DZANK1: variants seen among roughly 807,000 people sequenced by gnomAD.
The protein encoded by DZANK1 is double zinc ribbon and ankyrin repeat-containing protein 1.
DZANK1 carries 91 observed loss-of-function variants against 94.5 expected under a neutral mutation model. That is an observed-to-expected ratio of 0.96 (90% CI 0.81 to 1.15). The LOEUF (loss-of-function observed/expected upper bound fraction) is 1.15. DZANK1 is among the 50% of genes most tolerant of loss of function. The probability of loss-of-function intolerance (pLI) is 0.00; values close to 1 mark genes in which losing one functional copy is unlikely to be tolerated. For missense variants in DZANK1, 903 were observed against 916.4 expected (o/e 0.99, Z 0.19); for synonymous variants, 312 against 325.3 (o/e 0.96, Z 0.44).
chr20:18,448,589 C>A (rs1202334708), intron 7 of DZANK1, among the ~76,000 whole-genome samples: 1 of 151,972 alleles, frequency 6.6e-6, no homozygotes, highest in Non-Finnish European at 1.5e-5. Context: ...AAAGTTGGGG[C>A]CGGGTGTGGT....
chr20:18,433,265 G>A (rs185654125), intron 9 of DZANK1: 10 of 214,052 alleles, frequency 4.7e-5, no homozygotes, highest in Admixed American at 1.1e-4. Context: ...CCATCCTGGC[G>A]GGCATGGTGG....
At chr20:18,411,889 C>T (rs1001904528) in intron 13 of DZANK1, among the ~76,000 whole-genome samples, 5 of 152,238 alleles carry the variant, frequency 3.3e-5, no homozygotes, top group African/African-American at 7.2e-5. Context: ...AATGGTGCCT[C>T]GTTGCTGCAT....
At chr20:18,453,915 A>AC in intron 4 of DZANK1, 88 bp from the exon 5 acceptor site, 1 of 888,916 alleles carries the variant, frequency 1.1e-6, no homozygotes, top group Non-Finnish European at 1.9e-6. Context: ...CATGGTGTGC[A>AC]TTTCTTATTT....
At chr20:18,427,606 G>GGTGTGTGTGT (rs11474236) in intron 9 of DZANK1, among the ~76,000 whole-genome samples, 137 of 148,788 alleles carry the variant, frequency 9.2e-4, no homozygotes, top group East Asian at 1.0e-3. Flanking sequence ...TGTAAGGTTG[G>GGTGTGTGTGT]GTGTGTGTGT....
In DZANK1 at chr20:18,409,551, T is replaced by TACAC. The variant is rs71194238; in HGVS notation, c.1432+3091_1432+3094dup. Among the ~76,000 whole-genome samples the TACAC allele has an allele frequency of 5.3e-3, 751 of 142,630 alleles. 6 individuals are homozygous for TACAC. Among genetic ancestry groups the TACAC allele is most frequent in the African/African-American group, 0.018 (700 of 38,508 alleles). 93.6% of individuals were successfully genotyped at this position (142,630 alleles called of 152,430 possible). A position where few individuals can be genotyped will look rare whatever the true frequency, so the allele number is the denominator to read the frequency against. On this transcript the variant is annotated intron_variant, in intron 13 of 20. Coordinates refer to ENST00000262547, the Ensembl canonical transcript of DZANK1. ...ACATGACCCTAGAGAGTAATATGAA[T>TACAC]ACACACACACACACACACACACACA...
intron 9 of DZANK1, chr20:18,428,583 A>C (rs1317177097): frequency 1.3e-5 from 2 of 152,264 alleles, no homozygotes; most frequent in Non-Finnish European, 2.9e-5. Context: ...TCTGGAGTTC[A>C]GCTATCAGAG....
At chr20:18,464,667 CTTTTTTTTTTT>C (rs1167738427) in intron 2 of DZANK1, among the ~76,000 whole-genome samples, 1 of 77,824 alleles carries the variant, frequency 1.3e-5, no homozygotes, top group Admixed American at 1.6e-4. Context: ...AGCACCGGGA[CTTTTTTTTTTT>C]TTTTTTTTTT....
chr20:18,429,107 T>C (rs1470876328), intron 9 of DZANK1, among the ~76,000 whole-genome samples: 4 of 152,248 alleles, frequency 2.6e-5, no homozygotes, highest in Non-Finnish European at 4.4e-5. Flanking sequence ...GCTGTGACTT[T>C]CCTGAAAATG....
At chr20:18,408,783 A>G (rs973667657) in intron 13 of DZANK1, among the ~76,000 whole-genome samples, 8 of 152,236 alleles carry the variant, frequency 5.3e-5, no homozygotes, top group Non-Finnish European at 1.2e-4. Flanking sequence ...TCAATCTGAA[A>G]GAAAAGGATG....
chr20:18,454,864 T>C (rs16979201), intron 4 of DZANK1, among the ~76,000 whole-genome samples: 2 of 152,334 alleles, frequency 1.3e-5, no homozygotes, highest in East Asian at 3.9e-4. Context: ...ATAGCAGTGA[T>C]AGGGCATAGC....
exon 11 of DZANK1, chr20:18,415,417 CGGA>C: frequency 6.3e-7 from 1 of 1,584,324 alleles, no homozygotes; most frequent in Admixed American, 1.8e-5. Flanking sequence ...TCTGAGTGGG[CGGA>C]GGAGGGGCTT....
At chr20:18,436,041 C>T (rs1341047891) in intron 8 of DZANK1, among the ~76,000 whole-genome samples, 1 of 152,066 alleles carries the variant, frequency 6.6e-6, no homozygotes, top group African/African-American at 2.4e-5. Flanking sequence ...GACCTACACT[C>T]AGAGGAAAAA....
At chr20:18,453,930 G>T (rs757361470) in intron 4 of DZANK1, 103 bp from the exon 5 acceptor site, 1 of 837,364 alleles carries the variant, frequency 1.2e-6, no homozygotes, top group Non-Finnish European at 2.1e-6. Flanking sequence ...TTATTTGAAA[G>T]AGTTTATGGT....
At chr20:18,413,011 C>T in intron 12 of DZANK1, 158 bp from the exon 13 acceptor site, 2 of 698,622 alleles carry the variant, frequency 2.9e-6, no homozygotes, top group East Asian at 2.7e-5. Flanking sequence ...ATCTTCCTTG[C>T]TCCTGTCTTT....
At chr20:18,462,779 A>G (rs2059514483) in intron 2 of DZANK1, among the ~76,000 whole-genome samples, 1 of 151,916 alleles carries the variant, frequency 6.6e-6, no homozygotes, top group Admixed American at 6.6e-5. Flanking sequence ...GCAGATTAAA[A>G]ATACAAAAAT....
intron 19 of DZANK1, among the ~76,000 whole-genome samples, chr20:18,386,493 A>G (rs1376547594): frequency 6.6e-6 from 1 of 152,238 alleles, no homozygotes; most frequent in Non-Finnish European, 1.5e-5. Context: ...ATATTGCACA[A>G]AAGTATGAGA....
intron 13 of DZANK1, among the ~76,000 whole-genome samples, chr20:18,401,635 G>A (rs2056688860): frequency 6.6e-6 from 1 of 152,232 alleles, no homozygotes. Context: ...ACTGGGAGCT[G>A]TCTGGGATGG....
chr20:18,457,865 G>A (rs1038925106), intron 3 of DZANK1, among the ~76,000 whole-genome samples: 8 of 152,128 alleles, frequency 5.3e-5, no homozygotes, highest in Non-Finnish European at 1.0e-4. Flanking sequence ...TATTATTAAA[G>A]GGAAAAACAG....
chr20:18,421,397 C>G (rs2057772957), intron 10 of DZANK1: 1 of 153,582 alleles, frequency 6.5e-6, no homozygotes, highest in Admixed American at 6.5e-5. Context: ...AAAATAAGAA[C>G]CACAAAGTGG....
Sources: allele counts gnomAD v4.1 joint callset (sites outside exome capture counted in the v4.1 genomes callset), GRCh38; gene constraint gnomAD v4.1.1; transcripts MANE v1.5; gene names NCBI Gene and HGNC (gene_info 2026-07-23, HGNC 2026-07-21).